Variants in ELMO1 observed in about 807,000 individuals in gnomAD.
The protein encoded by ELMO1 is engulfment and cell motility protein 1.
ELMO1 carries 26 observed loss-of-function variants against 98.9 expected under a neutral mutation model. The ratio of observed to expected loss-of-function variants is 0.26; its 90% CI spans 0.19 to 0.36. ELMO1 has a LOEUF of 0.36. Among genes scored for constraint, ELMO1 ranks in the 10% least tolerant of loss-of-function variants. The probability of loss-of-function intolerance (pLI) is 1.00; values close to 1 mark genes in which losing one functional copy is unlikely to be tolerated. For missense variants in ELMO1, 627 were observed against 935.2 expected (o/e 0.67, Z 4.30); for synonymous variants, 346 against 346.0 (o/e 1.00, Z 0.00).
At chr7:37,439,111 G>A (rs1805285877) in intron 1 of ELMO1, among the ~76,000 whole-genome samples, 2 of 152,180 alleles carry the variant, frequency 1.3e-5, no homozygotes, top group Non-Finnish European at 2.9e-5. Flanking sequence ...ATTTATTTGA[G>A]CAGGCCTAGC....
intron 4 of ELMO1, among the ~76,000 whole-genome samples, chr7:37,307,904 G>A (rs920624380): frequency 2.0e-4 from 30 of 152,212 alleles, no homozygotes; most frequent in Non-Finnish European, 3.4e-4. Context: ...CTGAGGTCAG[G>A]AATTAAAAGA....
At chr7:37,049,131 T>A (rs535662766) in intron 15 of ELMO1, among the ~76,000 whole-genome samples, 2 of 152,318 alleles carry the variant, frequency 1.3e-5, no homozygotes, top group South Asian at 2.1e-4. Context: ...GACCACCCTG[T>A]TAATGTTTGT....
At chr7:37,106,235 C>T (rs897710886) in intron 14 of ELMO1, among the ~76,000 whole-genome samples, 13 of 152,094 alleles carry the variant, frequency 8.5e-5, no homozygotes, top group African/African-American at 2.9e-4. Context: ...GTGCCCCTTC[C>T]GAAGTTCATG....
intron 10 of ELMO1, among the ~76,000 whole-genome samples, chr7:37,218,026 C>A (rs1328499633): frequency 6.6e-6 from 1 of 152,168 alleles, no homozygotes; most frequent in East Asian, 1.9e-4. Flanking sequence ...CAGAAGGAAC[C>A]TTCCCTTCCA....
intron 15 of ELMO1, among the ~76,000 whole-genome samples, chr7:37,054,752 AC>A (rs2129207637): frequency 6.6e-6 from 1 of 152,252 alleles, no homozygotes; most frequent in Admixed American, 6.5e-5. Flanking sequence ...ATTTTATCCA[AC>A]CCCTTGTAGA....
intron 15 of ELMO1, among the ~76,000 whole-genome samples, chr7:37,093,073 C>A (rs1017649266): frequency 6.6e-6 from 1 of 152,052 alleles, no homozygotes; most frequent in African/African-American, 2.4e-5. Context: ...ATAACCTTGA[C>A]AAAGTGCTCT....
chr7:36,926,272 G>A (rs1785563195), intron 16 of ELMO1, among the ~76,000 whole-genome samples: 1 of 152,192 alleles, frequency 6.6e-6, no homozygotes, highest in African/African-American at 2.4e-5. Context: ...CCTTTGTTTT[G>A]CAGGTGAAGA....
chr7:37,339,944 T>C (rs1166138381), intron 2 of ELMO1, among the ~76,000 whole-genome samples: 8 of 152,182 alleles, frequency 5.3e-5, no homozygotes, highest in African/African-American at 1.9e-4. Context: ...GCAGGATATG[T>C]GAGAGAACCC....
At chr7:37,339,046 G>A (rs367888565) in intron 2 of ELMO1, among the ~76,000 whole-genome samples, 20 of 152,296 alleles carry the variant, frequency 1.3e-4, no homozygotes, top group African/African-American at 4.6e-4. Flanking sequence ...AGGAAGCACC[G>A]CCTCCCAGTT....
intron 8 of ELMO1, among the ~76,000 whole-genome samples, chr7:37,232,176 A>G (rs1214111007): frequency 6.6e-6 from 1 of 152,134 alleles, no homozygotes; most frequent in East Asian, 1.9e-4. Flanking sequence ...AGGCTTAAAA[A>G]CTTCAAGTGA....
intron 13 of ELMO1, among the ~76,000 whole-genome samples, chr7:37,134,301 G>A (rs1186919815): frequency 6.6e-6 from 1 of 152,186 alleles, no homozygotes; most frequent in African/African-American, 2.4e-5. Context: ...GGCTGGGCAT[G>A]GTAGCTCATG....
intron 14 of ELMO1, among the ~76,000 whole-genome samples, chr7:37,120,635 A>G (rs1785947162): frequency 6.6e-6 from 1 of 152,208 alleles, no homozygotes; most frequent in South Asian, 2.1e-4. Context: ...GGGAAGCTCA[A>G]ACTGGGTGGA....
chr7:37,385,422 G>A (rs951820273), intron 1 of ELMO1, among the ~76,000 whole-genome samples: 1 of 152,084 alleles, frequency 6.6e-6, no homozygotes, highest in African/African-American at 2.4e-5. Flanking sequence ...AACATTTCCC[G>A]AACTGCCCTG....
At chr7:37,390,724 C>T (rs1803032826) in intron 1 of ELMO1, among the ~76,000 whole-genome samples, 1 of 152,206 alleles carries the variant, frequency 6.6e-6, no homozygotes, top group African/African-American at 2.4e-5. Context: ...CAAGGCTCCG[C>T]TCTTTGAGAC....
At chr7:36,898,572 G>C (rs1806226312) in intron 16 of ELMO1, among the ~76,000 whole-genome samples, 1 of 152,158 alleles carries the variant, frequency 6.6e-6, no homozygotes, top group East Asian at 1.9e-4. Context: ...AGCACAGGAG[G>C]TTCCTAAATG....
chr7:36,919,108 C>T (rs565225161), intron 16 of ELMO1, among the ~76,000 whole-genome samples: 6 of 152,124 alleles, frequency 3.9e-5, no homozygotes, highest in Non-Finnish European at 7.4e-5. Context: ...CTTGCACAAA[C>T]GTAGCAACTT....
At chr7:36,964,532 A>T (rs1367213763) in intron 16 of ELMO1, among the ~76,000 whole-genome samples, 1 of 152,226 alleles carries the variant, frequency 6.6e-6, no homozygotes, top group Non-Finnish European at 1.5e-5. Flanking sequence ...AACCATTGTA[A>T]TTTGGAAACT....
intron 2 of ELMO1, among the ~76,000 whole-genome samples, chr7:37,324,368 C>T (rs76982682): frequency 0.045 from 6,827 of 150,800 alleles, 178 homozygotes; most frequent in African/African-American, 0.073. Context: ...ACATCCACTT[C>T]TCCGGCCTCT....
At chr7:37,074,977 A>G (rs926111056) in intron 15 of ELMO1, among the ~76,000 whole-genome samples, 4 of 152,138 alleles carry the variant, frequency 2.6e-5, no homozygotes, top group African/African-American at 9.7e-5. Context: ...TTTTCTTATT[A>G]GTCGGAACCC....
Sources: gnomAD v4.1 joint callset for allele counts (sites outside exome capture counted in the v4.1 genomes callset) on GRCh38, gnomAD v4.1.1 for gene constraint, MANE v1.5 for transcripts, NCBI Gene and HGNC (gene_info 2026-07-23, HGNC 2026-07-21) for gene names.